The following ELAPOR2 variants were observed in gnomAD, a reference collection of about 807,000 sequenced individuals.
ELAPOR2 encodes the protein endosome-lysosome associated apoptosis and autophagy regulator family member 2.
A neutral mutation model predicts 120.7 loss-of-function variants in ELAPOR2; 89 were observed. The observed-to-expected ratio is 0.74, with a 90% CI of 0.62 to 0.88. ELAPOR2 has a LOEUF of 0.88. ELAPOR2 is among the 40% of genes least tolerant of loss of function. The pLI, the probability that ELAPOR2 is intolerant of heterozygous loss-of-function variation, is 0.00. For missense variants in ELAPOR2, 1,134 were observed against 1,251.6 expected (o/e 0.91, Z 1.42); for synonymous variants, 444 against 444.9 (o/e 1.00, Z 0.03).
At chr7:86,911,971 G>A (rs1584340231) in intron 15 of ELAPOR2, 101 bp downstream of exon 15, 1 of 1,195,852 alleles carries the variant, frequency 8.4e-7, no homozygotes, top group African/African-American at 1.5e-5. Context: ...CTGACACTTG[G>A]TTGATATCCA....
intron 1 of ELAPOR2, among the ~76,000 whole-genome samples, chr7:86,981,680 C>T (rs1792495413): frequency 6.6e-6 from 1 of 152,196 alleles, no homozygotes; most frequent in African/African-American, 2.4e-5. Context: ...ACTTCCCTTA[C>T]TTTCTTCAGT....
chr7:86,923,484 T>G (rs1251824646), intron 10 of ELAPOR2, among the ~76,000 whole-genome samples: 1 of 152,064 alleles, frequency 6.6e-6, no homozygotes, highest in African/African-American at 2.4e-5. Context: ...CATAGCTATA[T>G]CATAATTTTA....
chr7:87,034,426 G>A lies in ELAPOR2; in HGVS notation c.189+24899C>T, dbSNP rs1034108913. 2.0e-5 allele frequency among the ~76,000 whole-genome samples: 3 copies of A among 151,638 alleles called. No homozygotes were observed. In the South Asian group the frequency reaches 6.2e-4, roughly 32 times the overall value. ...TGAGATTATGGGTGTTTTTATTGCT[G>A]CATTTTTCTGGAATGCATATATTGC... On this transcript the variant is annotated intron_variant, in intron 1 of 21. Coordinates refer to ENST00000450689, the MANE Select transcript of ELAPOR2 (RefSeq NM_001142749.3).
chr7:86,903,522 A>G (rs183218781), intron 18 of ELAPOR2, among the ~76,000 whole-genome samples: 2 of 152,326 alleles, frequency 1.3e-5, no homozygotes, highest in Non-Finnish European at 2.9e-5. Flanking sequence ...AAATGGATAC[A>G]TATTTTGGTT....
At chr7:86,992,683 G>C (rs1353940271) in intron 1 of ELAPOR2, among the ~76,000 whole-genome samples, 1 of 152,142 alleles carries the variant, frequency 6.6e-6, no homozygotes, top group African/African-American at 2.4e-5. Context: ...GCTCTAATCT[G>C]TCCTCTCTGT....
chr7:86,891,719 C>T lies in ELAPOR2; in HGVS notation c.3030+5G>A. Reference sequence around the variant, plus strand: ...AGTAACACCAGGTTAAAATTCTACTCTCACCTTGGTTGCCAAAGATTTGAG... The same window carrying T: ...AGTAACACCAGGTTAAAATTCTACTTTCACCTTGGTTGCCAAAGATTTGAG... On this transcript the variant is annotated splice_donor_5th_base_variant and intron_variant, in intron 21 of 21. Transcript: ENST00000450689. 1 of 1,604,450 alleles carries T rather than the reference C, an allele frequency of 6.2e-7. No individual in the cohort carries two copies. The highest frequency in any genetic ancestry group is 8.5e-7 in the Non-Finnish European group (1 of 1,175,464).
At position 87,055,776 on chromosome 7, in the gene ELAPOR2, T is replaced by A. The variant is rs144828295; in HGVS notation, c.189+3549A>T. On this transcript the variant is annotated intron_variant, in intron 1 of 21. Transcript: ENST00000450689. The stretch of plus-strand genomic sequence containing the variant: ...CTGTCTCATCCTTATCCAATTAAAT[T>A]ATATTCTTTAAATTACTAATTTCAT... Among the ~76,000 whole-genome samples the A allele has an allele frequency of 1.4e-3, 217 of 152,308 alleles. 1 individual carries two copies. Among genetic ancestry groups the A allele is most frequent in the African/African-American group, 5.1e-3 (210 of 41,562 alleles).
rs764583783 is a variant in ELAPOR2 at position 86,897,560 on chromosome 7, C to T, written c.2631G>A (p.Leu877=). 4.3e-6 allele frequency: 7 copies of T among 1,613,240 alleles called. No individual in the cohort carries two copies. The highest frequency in any genetic ancestry group is 5.9e-6 in the Non-Finnish European group (7 of 1,179,546). Residue 877 remains leucine, a synonymous_variant, in exon 19 of 22, where the codon CTG becomes CTA. Coordinates refer to ENST00000450689, the MANE Select transcript of ELAPOR2 (RefSeq NM_001142749.3). The part of the protein sequence containing the change: ...FLWESAEACP[L]CTEHDFHEIE... ...TCTCATGGAAGTCATGCTCCGTACA[C>T]AGAGGGCAAGCTTCAGCACTCTCCC...
intron 10 of ELAPOR2, among the ~76,000 whole-genome samples, chr7:86,924,754 T>C (rs866362938): frequency 2.0e-5 from 3 of 150,004 alleles, no homozygotes; most frequent in Non-Finnish European, 3.0e-5. Flanking sequence ...GCTTTTTTTT[T>C]TGAATAGATA....
At chr7:86,990,398 C>A (rs2116594206) in intron 1 of ELAPOR2, among the ~76,000 whole-genome samples, 1 of 152,082 alleles carries the variant, frequency 6.6e-6, no homozygotes, top group Admixed American at 6.5e-5. Flanking sequence ...GGTGGTGGCT[C>A]TATAAGAGGA....
intron 3 of ELAPOR2, 101 bp downstream of exon 3, chr7:86,947,626 A>C: frequency 9.3e-7 from 1 of 1,069,548 alleles, no homozygotes; most frequent in Middle Eastern, 3.1e-4. Context: ...ATCTATCACC[A>C]CAAACAGTAC....
rs573238890 is a variant in ELAPOR2, at chr7:86,944,847, A to T, written c.654+52T>A. 10 of 1,440,088 alleles carry T rather than the reference A, an allele frequency of 6.9e-6. No homozygotes were observed. The African/African-American group carries it at 1.3e-4, about 19-fold the overall frequency. The allele number at this position is 1,440,088 out of a possible 1,614,324, so 89.2% of individuals were successfully genotyped here. On this transcript the variant is annotated intron_variant, in intron 4 of 21. Transcript: ENST00000450689. ...GAATGGGAACAACTGACTAAGGGAAATTTACATGAATGTCCCTTAAAAAGT... is the reference window on the plus strand; with the variant it reads ...GAATGGGAACAACTGACTAAGGGAATTTTACATGAATGTCCCTTAAAAAGT...
At chr7:86,924,600 G>A (rs180947560) in intron 10 of ELAPOR2, among the ~76,000 whole-genome samples, 1 of 151,744 alleles carries the variant, frequency 6.6e-6, no homozygotes, top group East Asian at 1.9e-4. Context: ...GGGATTGTTG[G>A]TCAATAATGA....
chr7:86,995,214 T>C (rs1793083750), intron 1 of ELAPOR2, among the ~76,000 whole-genome samples: 2 of 152,148 alleles, frequency 1.3e-5, no homozygotes, highest in Admixed American at 6.6e-5. Context: ...TTGGCCAAGA[T>C]AGGGTCATGC....
At chr7:86,903,360 G>A (rs540929450) in intron 18 of ELAPOR2, among the ~76,000 whole-genome samples, 4 of 152,136 alleles carry the variant, frequency 2.6e-5, no homozygotes, top group East Asian at 3.9e-4. Flanking sequence ...TTCTAAGAAC[G>A]TATTTGGTTT....
chr7:86,979,986 GAAC>G (rs1792410365), intron 1 of ELAPOR2, among the ~76,000 whole-genome samples: 2 of 151,982 alleles, frequency 1.3e-5, no homozygotes, highest in African/African-American at 4.8e-5. Flanking sequence ...AAACAAAACA[GAAC>G]AACAACAAAA....
At chr7:87,039,050 A>G (rs1333867466) in intron 1 of ELAPOR2, among the ~76,000 whole-genome samples, 1 of 152,154 alleles carries the variant, frequency 6.6e-6, no homozygotes, top group East Asian at 1.9e-4. Flanking sequence ...AGAAGATACA[A>G]ATAAATAAAA....
intron 1 of ELAPOR2, among the ~76,000 whole-genome samples, chr7:86,983,567 T>C (rs988985456): frequency 6.6e-6 from 1 of 152,192 alleles, no homozygotes; most frequent in Non-Finnish European, 1.5e-5. Flanking sequence ...CAGCCCAGGA[T>C]TTCACAGCCA....
At position 86,995,068 on chromosome 7, in the gene ELAPOR2, C is replaced by T. The variant is rs577492549; in HGVS notation, c.190-30044G>A. Among the ~76,000 whole-genome samples the T allele has an allele frequency of 2.0e-5, 3 of 152,196 alleles. No individual in the cohort carries two copies. In the East Asian group the frequency reaches 5.8e-4, roughly 29 times the overall value. ...TCAGATTCTCTTTTTCTTACCAGGG[C>T]TAGCTTCATCCTTAAACTGGCAACA... On this transcript the variant is annotated intron_variant, in intron 1 of 21. Transcript: ENST00000450689.
Sources: allele counts gnomAD v4.1 joint callset (sites outside exome capture counted in the v4.1 genomes callset), GRCh38; gene constraint gnomAD v4.1.1; transcripts MANE v1.5; gene names NCBI Gene and HGNC (gene_info 2026-07-23, HGNC 2026-07-21).